ACAD11: variants seen among roughly 807,000 people sequenced by gnomAD.
ACAD11 encodes acyl-CoA dehydrogenase family member 11, also known as acyl-Coenzyme A dehydrogenase family, member 11.
ACAD11 carries 83 observed loss-of-function variants against 102.2 expected under a neutral mutation model. The ratio of observed to expected loss-of-function variants is 0.81; its 90% confidence interval spans 0.68 to 0.97. ACAD11 has a LOEUF of 0.97. Among genes scored for constraint, ACAD11 ranks in the 50% least tolerant of loss-of-function variants. ACAD11 has a pLI of 0.00. For synonymous variants in ACAD11, 324 were observed against 319.8 expected (o/e 1.01, Z -0.14); for missense variants, 901 against 951.7 (o/e 0.95, Z 0.70).
chr3:132,577,053 T>C (rs1187460924), intron 15 of ACAD11, 38 bp from the exon 16 acceptor site: 3 of 1,289,546 alleles, frequency 2.3e-6, no homozygotes, highest in East Asian at 4.8e-5. Context: ...CAAAAGGAGT[T>C]GACTAAAAAA....
intron 4 of ACAD11, among the ~76,000 whole-genome samples, chr3:132,639,962 GC>G (rs1940422967): frequency 6.6e-6 from 1 of 150,842 alleles, no homozygotes; most frequent in Non-Finnish European, 1.5e-5. Context: ...AAAAAAGAAT[GC>G]ATACAAACAC....
chr3:132,595,206 G>A (rs1938247579), intron 13 of ACAD11, among the ~76,000 whole-genome samples: 1 of 152,146 alleles, frequency 6.6e-6, no homozygotes, highest in Non-Finnish European at 1.5e-5. Flanking sequence ...AGTGAGCTTT[G>A]CAATTACTAA....
chr3:132,642,198 A>G, intron 3 of ACAD11, 65 bp from the exon 4 acceptor site: 1 of 1,387,272 alleles, frequency 7.2e-7, no homozygotes, highest in Non-Finnish European at 9.8e-7. Flanking sequence ...AATATACTAG[A>G]AAAACATTCA....
At chr3:132,608,792 C>T (rs1360521105) in intron 11 of ACAD11, among the ~76,000 whole-genome samples, 1 of 152,140 alleles carries the variant, frequency 6.6e-6, no homozygotes, top group East Asian at 1.9e-4. Flanking sequence ...CCAAGCAGAC[C>T]TAGTAGTCAT....
intron 11 of ACAD11, among the ~76,000 whole-genome samples, chr3:132,605,604 C>T (rs1469281835): frequency 6.6e-6 from 1 of 152,184 alleles, no homozygotes; most frequent in Non-Finnish European, 1.5e-5. Flanking sequence ...TACTGAGACT[C>T]CAGCCCTTAA....
At chr3:132,576,688 T>C (rs1415054510) in intron 16 of ACAD11, among the ~76,000 whole-genome samples, 7 of 152,198 alleles carry the variant, frequency 4.6e-5, no homozygotes, top group Non-Finnish European at 1.0e-4. Flanking sequence ...AACAGAAAAC[T>C]TTCCCTTGAC....
intron 12 of ACAD11, among the ~76,000 whole-genome samples, chr3:132,603,953 TTC>T (rs1385957349): frequency 6.6e-6 from 1 of 152,234 alleles, no homozygotes; most frequent in East Asian, 1.9e-4. Context: ...ATCCCATGTG[TTC>T]TGTTTCTAAA....
chr3:132,632,647 G>T (rs962789193), intron 5 of ACAD11, among the ~76,000 whole-genome samples: 6 of 152,074 alleles, frequency 3.9e-5, no homozygotes, highest in Non-Finnish European at 7.4e-5. Context: ...GGATGGCATT[G>T]AATCTATAAA....
chr3:132,654,765 C>T (rs897131194), intron 1 of ACAD11: 1 of 152,194 alleles, frequency 6.6e-6, no homozygotes, highest in Non-Finnish European at 1.5e-5. Context: ...TCTATTAATG[C>T]CTATGTGTGT....
chr3:132,604,364 A>G (rs1248514081), intron 12 of ACAD11, among the ~76,000 whole-genome samples: 1 of 152,230 alleles, frequency 6.6e-6, no homozygotes, highest in African/African-American at 2.4e-5. Context: ...CATAGTCTAA[A>G]TAGCATTCAG....
Position 132,603,147 on chromosome 3 carries a change from T to C in ACAD11, c.1621+82A>G, listed in dbSNP as rs552598719. ...GAATTATGATCATGAAACTGATCACTATGTATCATAGCAATATTCTAGCAT... is the reference window on the plus strand; with the variant it reads ...GAATTATGATCATGAAACTGATCACCATGTATCATAGCAATATTCTAGCAT... On this transcript the variant is annotated intron_variant, in intron 13 of 19. Transcript: ENST00000264990. 23 of 1,169,582 alleles carry C rather than the reference T, an allele frequency of 2.0e-5. No homozygotes were observed. The African/African-American group carries it at 2.7e-4, about 14-fold the overall frequency. 72.5% of individuals were successfully genotyped at this position (1,169,582 alleles called of 1,614,324 possible).
rs1477924758 is a variant in ACAD11, at chr3:132,579,493, T to C, written c.1687A>G (p.Arg563Gly). 6.2e-7 allele frequency: 1 copy of C among 1,612,156 alleles called. No homozygotes were observed. Among genetic ancestry groups the C allele is most frequent in the East Asian group, 2.2e-5 (1 of 44,790 alleles). ...TCTCAATCAGAATTGTTTAATTACC[T>C]GGAGAGAGAAGTATTTTGAGTTCTT... ...LGRTQNTSLS[R>G]HKQHSMILVP... Residue 563 changes from arginine (R) to glycine (G), a missense_variant and splice_region_variant, in exon 14 of 20, where the codon AGA becomes GGA. Physicochemically the swap from Arg to Gly is moderately radical, Grantham distance 125. Coordinates refer to ENST00000264990, the MANE Select transcript of ACAD11 (RefSeq NM_032169.5).
rs1287475700 is a variant in ACAD11, at chr3:132,631,043, C to A, written c.841+298G>T. Reference sequence around the variant, plus strand: ...CTATGATTGTGGCACTGTACTCCAGCCCGGGTGACAGAGCAAGACCTTGCA... The same window carrying A: ...CTATGATTGTGGCACTGTACTCCAGACCGGGTGACAGAGCAAGACCTTGCA... On this transcript the variant is annotated intron_variant, in intron 6 of 19. Transcript: ENST00000264990. Among the ~76,000 whole-genome samples, 5 of 152,222 alleles carry A rather than the reference C, an allele frequency of 3.3e-5. 1 individual carries two copies. The highest frequency in any genetic ancestry group is 3.3e-4 in the Admixed American group (5 of 15,296).
intron 16 of ACAD11, 74 bp downstream of exon 16, chr3:132,576,870 G>T: frequency 1.8e-6 from 2 of 1,090,608 alleles, no homozygotes; most frequent in Non-Finnish European, 2.8e-6. Flanking sequence ...AATCTGGAAA[G>T]ACTTATCTTT....
intron 5 of ACAD11, among the ~76,000 whole-genome samples, chr3:132,636,874 C>A (rs1411521897): frequency 6.6e-6 from 1 of 151,974 alleles, no homozygotes. Context: ...ACTGAAAGGA[C>A]AAAGATGAGT....
intron 5 of ACAD11, among the ~76,000 whole-genome samples, chr3:132,638,347 C>A (rs1940350981): frequency 6.6e-6 from 1 of 152,046 alleles, no homozygotes; most frequent in Admixed American, 6.6e-5. Context: ...AACACTGTTA[C>A]AACTTTTTTG....
In ACAD11 at chr3:132,659,618, G is replaced by A; in HGVS notation, c.134C>T (p.Thr45Ile). The A allele has an allele frequency of 6.2e-7, 1 of 1,610,552 alleles. No homozygotes were observed. Among genetic ancestry groups the A allele is most frequent in the Non-Finnish European group, 8.5e-7 (1 of 1,178,500 alleles). ...GFGAEREATL[T>I]IAQYRAGKSN... is the part of the protein sequence containing the mutation. ...ACATCCATACCTGTACTGGGCAATG[G>A]TCAGCGTAGCCTCACGTTCGGCCCC... The change falls in exon 1 of 20, where the codon ACC becomes ATC. Residue 45 changes from threonine (T) to isoleucine (I), a missense_variant. Thr to Ile is a moderately conservative substitution (Grantham distance 89). Coordinates refer to ENST00000264990, the MANE Select transcript of ACAD11 (RefSeq NM_032169.5).
At chr3:132,616,075 G>T (rs1939396235) in intron 11 of ACAD11, among the ~76,000 whole-genome samples, 1 of 152,116 alleles carries the variant, frequency 6.6e-6, no homozygotes, top group Non-Finnish European at 1.5e-5. Flanking sequence ...TTCTTCATCT[G>T]CTTTGGAAAT....
At position 132,642,710 on chromosome 3, in the gene ACAD11, A is replaced by G. The variant is rs1940571608; in HGVS notation, c.342T>C (p.Ile114=). The G allele has an allele frequency of 6.2e-7, 1 of 1,611,614 alleles. No homozygotes were observed. Among genetic ancestry groups the G allele is most frequent in the Non-Finnish European group, 8.5e-7 (1 of 1,179,200 alleles). ...PILYCSDTSV[I]GTEFYVMEHV... is the part of the protein sequence containing the mutation. ...GTTCCATTACGTAAAATTCTGTTCC[A>G]ATGACAGAAGTATCACTGCAGTACA... The change falls in exon 3 of 20, where the codon ATT becomes ATC. Residue 114 remains isoleucine, a synonymous_variant. Coordinates refer to ENST00000264990, the MANE Select transcript of ACAD11 (RefSeq NM_032169.5).
Sources: allele counts gnomAD v4.1 joint callset (sites outside exome capture counted in the v4.1 genomes callset), GRCh38; gene constraint gnomAD v4.1.1; transcripts MANE v1.5; gene names NCBI Gene and HGNC (gene_info 2026-07-23, HGNC 2026-07-21).